DAB1: variants seen among roughly 807,000 people sequenced by gnomAD.
The protein encoded by DAB1 is DAB adaptor protein 1.
DAB1 carries 15 observed loss-of-function variants against 64.6 expected under a neutral mutation model. The ratio of observed to expected loss-of-function variants is 0.23; its 90% CI spans 0.16 to 0.36. DAB1 has a LOEUF of 0.36. Among genes scored for constraint, DAB1 ranks in the 10% least tolerant of loss-of-function variants. The pLI is 1.00. For synonymous variants in DAB1, 235 were observed against 251.9 expected, an observed-to-expected ratio of 0.93 and a Z score of 0.64; for missense variants, 596 against 706.7, an observed-to-expected ratio of 0.84 and a Z score of 1.78.
chr1:58,422,103 G>A (rs1212790960), intron 3 of DAB1, among the ~76,000 whole-genome samples: 5 of 151,970 alleles, frequency 3.3e-5, no homozygotes, highest in African/African-American at 9.7e-5. Flanking sequence ...GAACCAGAAC[G>A]CATTTCATAC....
intron 5 of DAB1, chr1:58,074,574 A>ATGTGTGTGTG (rs1649517624): frequency 8.0e-6 from 1 of 124,424 alleles, no homozygotes; most frequent in African/African-American, 3.0e-5. Flanking sequence ...GTATATATAT[A>ATGTGTGTGTG]TATATATATA....
intron 7 of DAB1, among the ~76,000 whole-genome samples, chr1:57,549,180 A>G (rs1644887536): frequency 1.3e-5 from 2 of 152,126 alleles, no homozygotes; most frequent in African/African-American, 2.4e-5. Flanking sequence ...CTTTTCTCAG[A>G]TCACTGTAAT....
In DAB1 at chr1:57,009,671, G is replaced by A. The variant is rs1646204099; in HGVS notation, c.*15+1009C>T. Among the ~76,000 whole-genome samples, 3 of 152,288 alleles carry A rather than the reference G, an allele frequency of 2.0e-5. No homozygotes were observed. The South Asian group carries it at 6.2e-4, about 32-fold the overall frequency. On this transcript the variant is annotated intron_variant, in intron 14 of 14. Transcript: ENST00000371236. ...GGAGCCTTTTGGGAATGGCCTTGCAGTCCTGTGTGTTTATAGAAAACTAAG... is the reference window on the plus strand; with the variant it reads ...GGAGCCTTTTGGGAATGGCCTTGCAATCCTGTGTGTTTATAGAAAACTAAG...
Position 58,542,306 on chromosome 1 carries a change from T to A in DAB1, n.32+4397A>T, listed in dbSNP as rs180793175. ...TAAATAATTTAAGCCTAGAAGTCAT[T>A]TCACAATTCATACTGGAGTAGCTAG... On this transcript the variant is annotated intron_variant and non_coding_transcript_variant, in intron 1 of 20. Transcript: ENST00000485760. Among the ~76,000 whole-genome samples, 10 of 152,342 alleles carry A rather than the reference T, an allele frequency of 6.6e-5. No individual in the cohort carries two copies. The East Asian group carries it at 1.9e-3, about 29-fold the overall frequency.
At chr1:57,199,092 G>T (rs1212606968) in intron 2 of DAB1, among the ~76,000 whole-genome samples, 1 of 152,120 alleles carries the variant, frequency 6.6e-6, no homozygotes, top group Non-Finnish European at 1.5e-5. Context: ...CCTGAGGCTG[G>T]GGGAAGGGAA....
intron 2 of DAB1, among the ~76,000 whole-genome samples, chr1:57,224,817 C>T (rs951113496): frequency 6.6e-6 from 1 of 152,210 alleles, no homozygotes. Context: ...AGGATGGGAG[C>T]TGGTTACCAG....
At chr1:57,097,065 TA>T (rs1489941773) in intron 4 of DAB1, among the ~76,000 whole-genome samples, 4 of 152,170 alleles carry the variant, frequency 2.6e-5, no homozygotes, top group Non-Finnish European at 5.9e-5. Context: ...GTACCCAGAT[TA>T]GTATCTAGCA....
chr1:57,426,582 C>A (rs1311968389), upstream of DAB1, among the ~76,000 whole-genome samples: 2 of 151,916 alleles, frequency 1.3e-5, no homozygotes, highest in Non-Finnish European at 2.9e-5. Context: ...TTATCATCTA[C>A]CCCGAGAAAC....
At chr1:57,690,052 C>T (rs1427597855) in intron 6 of DAB1, among the ~76,000 whole-genome samples, 2 of 152,162 alleles carry the variant, frequency 1.3e-5, no homozygotes, top group Non-Finnish European at 2.9e-5. Context: ...ATAATGACCT[C>T]CAGTGCCATC....
intron 3 of DAB1, among the ~76,000 whole-genome samples, chr1:58,416,017 C>A (rs1193714028): frequency 6.6e-6 from 1 of 152,146 alleles, no homozygotes; most frequent in South Asian, 2.1e-4. Context: ...ATAAGCAATA[C>A]CTTCTATTAC....
At chr1:57,427,623 C>G (rs1685338936), upstream of DAB1, among the ~76,000 whole-genome samples, 1 of 152,086 alleles carries the variant, frequency 6.6e-6, no homozygotes, top group African/African-American at 2.4e-5. Context: ...CTGTTTATTC[C>G]TACAATTGTT....
At chr1:58,354,096 G>T (rs1176759226) in intron 3 of DAB1, among the ~76,000 whole-genome samples, 1 of 152,082 alleles carries the variant, frequency 6.6e-6, no homozygotes, top group Admixed American at 6.6e-5. Flanking sequence ...GTAGCTCATG[G>T]TCTAATGGAA....
intron 4 of DAB1, among the ~76,000 whole-genome samples, chr1:58,288,028 A>AC (rs1661729187): frequency 1.4e-5 from 2 of 141,792 alleles, no homozygotes; most frequent in African/African-American, 5.1e-5. Context: ...TCAAAAAAAA[A>AC]AAAAAAAAAA....
At chr1:57,996,116 A>C (rs1186974939) in intron 5 of DAB1, among the ~76,000 whole-genome samples, 1 of 152,052 alleles carries the variant, frequency 6.6e-6, no homozygotes, top group South Asian at 2.1e-4. Flanking sequence ...AAAATTAGCT[A>C]GGCATGGTGG....
intron 7 of DAB1, among the ~76,000 whole-genome samples, chr1:57,482,251 A>G (rs1229825571): frequency 3.3e-5 from 5 of 152,170 alleles, no homozygotes; most frequent in Admixed American, 6.5e-5. Flanking sequence ...TATATGGACC[A>G]AGTGTAAGAC....
chr1:57,541,198 G>A (rs943107036), intron 7 of DAB1, among the ~76,000 whole-genome samples: 16 of 150,356 alleles, frequency 1.1e-4, no homozygotes, highest in Admixed American at 7.3e-4. Flanking sequence ...GCACAATCTC[G>A]GCTCACTGCA....
At chr1:58,182,094 A>T (rs1439455709) in intron 4 of DAB1, among the ~76,000 whole-genome samples, 1 of 152,064 alleles carries the variant, frequency 6.6e-6, no homozygotes, top group Non-Finnish European at 1.5e-5. Flanking sequence ...CAGCACTTTG[A>T]ATATGTCAAT....
chr1:57,632,221 C>A (rs1290982683), intron 7 of DAB1, among the ~76,000 whole-genome samples: 1 of 152,192 alleles, frequency 6.6e-6, no homozygotes, highest in East Asian at 1.9e-4. Flanking sequence ...AGGCGTGGAA[C>A]TTGGTGCAAA....
At chr1:58,544,023 A>G (rs1322929321) in intron 1 of DAB1, among the ~76,000 whole-genome samples, 16 of 152,224 alleles carry the variant, frequency 1.1e-4, no homozygotes, top group Admixed American at 4.6e-4. Flanking sequence ...AGGCAAGTGA[A>G]TATCAGCAAA....
Sources: allele counts gnomAD v4.1 joint callset (sites outside exome capture counted in the v4.1 genomes callset), GRCh38; gene constraint gnomAD v4.1.1; transcripts MANE v1.5; gene names NCBI Gene and HGNC (gene_info 2026-07-23, HGNC 2026-07-21).